Variants in FAM120A observed in about 807,000 individuals in gnomAD.
FAM120A encodes family with sequence similarity 120 member A.
Under a neutral mutation model 109.7 loss-of-function variants are expected in FAM120A, and 15 were observed. The observed-to-expected ratio is 0.14, with a 90% CI of 0.09 to 0.21. FAM120A has a LOEUF of 0.21. Ranked by LOEUF, FAM120A falls within the 10% of genes least tolerant of loss-of-function variation. The probability of loss-of-function intolerance (pLI) is 1.00; values close to 1 mark genes in which losing one functional copy is unlikely to be tolerated. For missense variants in FAM120A, 899 were observed against 1,439.3 expected, an observed-to-expected ratio of 0.62 and a Z score of 6.07; for synonymous variants, 493 against 572.8, an observed-to-expected ratio of 0.86 and a Z score of 1.99.
intron 8 of FAM120A, among the ~76,000 whole-genome samples, chr9:93,528,296 A>T (rs1430826507): frequency 1.3e-5 from 2 of 152,230 alleles, no homozygotes; most frequent in Non-Finnish European, 2.9e-5. Flanking sequence ...GTGTTTTAAA[A>T]AATAAAATTA....
At chr9:93,561,445 A>G (rs745873988) in intron 16 of FAM120A, among the ~76,000 whole-genome samples, 195 bp downstream of exon 16, 22 of 152,144 alleles carry the variant, frequency 1.4e-4, no homozygotes, top group Non-Finnish European at 1.6e-4. Flanking sequence ...CCCAGGCTAG[A>G]GTGCAGTGGC....
intron 10 of FAM120A, among the ~76,000 whole-genome samples, chr9:93,536,068 G>A (rs556122551): frequency 3.9e-5 from 6 of 152,324 alleles, no homozygotes; most frequent in African/African-American, 1.2e-4. Flanking sequence ...ATAGGAAAAT[G>A]TCTCATTGTG....
intron 3 of FAM120A, among the ~76,000 whole-genome samples, chr9:93,494,848 G>A (rs1466892673): frequency 6.6e-6 from 1 of 152,142 alleles, no homozygotes; most frequent in African/African-American, 2.4e-5. Context: ...TCTGGCACGG[G>A]TGACATTAGG....
At chr9:93,558,985 G>A (rs1176077431) in intron 15 of FAM120A, among the ~76,000 whole-genome samples, 1 of 152,112 alleles carries the variant, frequency 6.6e-6, no homozygotes, top group African/African-American at 2.4e-5. Flanking sequence ...TGTGCACCTG[G>A]GTAACCTGAC....
intron 1 of FAM120A, among the ~76,000 whole-genome samples, chr9:93,458,074 A>T (rs1383015888): frequency 6.6e-6 from 1 of 152,090 alleles, no homozygotes; most frequent in Non-Finnish European, 1.5e-5. Context: ...ACTGTCCTCA[A>T]ACACTTCAGC....
Position 93,527,012 on chromosome 9 carries a change from TATA to T in FAM120A, c.1419-139_1419-137del, listed in dbSNP as rs1409112300. 6.1e-6 allele frequency: 4 copies of T among 651,418 alleles called. No individual in the cohort carries two copies. The East Asian group carries it at 1.1e-4, about 18-fold the overall frequency. The allele number at this position is 651,418 out of a possible 1,614,324, so 40.4% of individuals were successfully genotyped here. On this transcript the variant is annotated intron_variant, in intron 7 of 17. Transcript: ENST00000277165. ...CTTTTGAAGCAGGAAGAAATATTAG[TATA>T]ATAGAGTTATTTCTCGATGTTGTGT...
chr9:93,556,300 T>A (rs1862278850), intron 12 of FAM120A, 82 bp from the exon 13 acceptor site: 3 of 1,165,132 alleles, frequency 2.6e-6, no homozygotes, highest in South Asian at 1.3e-5. Context: ...TCTGTTAACT[T>A]TGGAGAGTTT....
chr9:93,547,941 A>G (rs751489862), intron 11 of FAM120A, among the ~76,000 whole-genome samples: 7 of 152,236 alleles, frequency 4.6e-5, no homozygotes, highest in Admixed American at 3.3e-4. Flanking sequence ...TCTAAACACT[A>G]TCTCTGTTAT....
At chr9:93,456,786 C>G (rs540332663) in intron 1 of FAM120A, among the ~76,000 whole-genome samples, 7 of 152,174 alleles carry the variant, frequency 4.6e-5, no homozygotes, top group African/African-American at 1.4e-4. Flanking sequence ...AGGTCAATTA[C>G]GATAGCTAAC....
intron 5 of FAM120A, among the ~76,000 whole-genome samples, chr9:93,514,360 C>G (rs1332103480): frequency 6.6e-6 from 1 of 152,174 alleles, no homozygotes; most frequent in Non-Finnish European, 1.5e-5. Flanking sequence ...CTAACCATAT[C>G]AACTGGTGTT....
intron 12 of FAM120A, among the ~76,000 whole-genome samples, chr9:93,555,758 C>G (rs1862264833): frequency 6.6e-6 from 1 of 152,178 alleles, no homozygotes; most frequent in Non-Finnish European, 1.5e-5. Context: ...GGTTCAAGAA[C>G]CATATTTTTG....
chr9:93,463,744 A>G (rs1253147209), intron 1 of FAM120A, among the ~76,000 whole-genome samples: 1 of 152,220 alleles, frequency 6.6e-6, no homozygotes, highest in African/African-American at 2.4e-5. Flanking sequence ...GATGTGTCAC[A>G]TTGTTCCCTG....
chr9:93,469,390 A>G (rs1858206271), intron 1 of FAM120A, among the ~76,000 whole-genome samples: 2 of 152,212 alleles, frequency 1.3e-5, no homozygotes, highest in Admixed American at 6.5e-5. Context: ...TGAGCCAAGA[A>G]GGGAGTGGTC....
Position 93,562,203 on chromosome 9 carries a change from T to C in FAM120A, c.2949-5T>C. The C allele has an allele frequency of 2.5e-6, 4 of 1,611,606 alleles. No individual in the cohort carries two copies. The highest frequency in any genetic ancestry group is 1.1e-5 in the South Asian group (1 of 91,034). ...GTTTACTGTTGTCCTTTTTCATTCATTTAGGCGTCCAAGAGGAGTTATTTC... is the reference window on the plus strand; with the variant it reads ...GTTTACTGTTGTCCTTTTTCATTCACTTAGGCGTCCAAGAGGAGTTATTTC... On this transcript the variant is annotated splice_polypyrimidine_tract_variant and splice_region_variant and intron_variant, in intron 16 of 17. Coordinates refer to ENST00000277165, the MANE Select transcript of FAM120A (RefSeq NM_014612.5).
At chr9:93,492,939 TGTG>T (rs1346022496) in intron 3 of FAM120A, among the ~76,000 whole-genome samples, 1 of 152,192 alleles carries the variant, frequency 6.6e-6, no homozygotes, top group Non-Finnish European at 1.5e-5. Flanking sequence ...CCCAGTTACT[TGTG>T]GTGTCTTGGG....
intron 3 of FAM120A, among the ~76,000 whole-genome samples, chr9:93,480,421 T>C (rs2131291717): frequency 6.6e-6 from 1 of 152,232 alleles, no homozygotes; most frequent in Admixed American, 6.5e-5. Flanking sequence ...GCGACCTCTG[T>C]CTCTACCCAG....
rs767913075 is a variant in FAM120A, at chr9:93,452,194, C to T, written c.279C>T (p.Phe93=). The T allele has an allele frequency of 8.7e-6, 14 of 1,611,870 alleles. No homozygotes were observed. The highest frequency in any genetic ancestry group is 1.2e-5 in the Non-Finnish European group (14 of 1,179,758). Residue 93 remains phenylalanine, a synonymous_variant, in exon 1 of 18, where the codon TTC becomes TTT. Coordinates refer to ENST00000277165, the MANE Select transcript of FAM120A (RefSeq NM_014612.5). This position sits in a 1 kb window ranked among gnomAD's most constrained non-coding sequence, Gnocchi z 7.0. ...GCTTCGGCGGCAACATCGAGCTCTTCGTCTTCTTCAACGGCGCGCTCGAGA... is the reference window on the plus strand; with the variant it reads ...GCTTCGGCGGCAACATCGAGCTCTTTGTCTTCTTCAACGGCGCGCTCGAGA... ...KACFGGNIEL[F]VFFNGALEKA... is the part of the protein sequence containing the mutation.
chr9:93,564,147 T>C, intron 17 of FAM120A, 82 bp from the exon 18 acceptor site: 1 of 1,374,934 alleles, frequency 7.3e-7, no homozygotes, highest in Non-Finnish European at 1.0e-6. Flanking sequence ...CTGCAGAGAG[T>C]GTCATTAGGC....
At chr9:93,460,179 C>T (rs1017439404) in intron 1 of FAM120A, among the ~76,000 whole-genome samples, 1 of 152,082 alleles carries the variant, frequency 6.6e-6, no homozygotes, top group South Asian at 2.1e-4. Context: ...TCAAATATCG[C>T]GTAACATGAA....
Sources: allele counts gnomAD v4.1 joint callset (sites outside exome capture counted in the v4.1 genomes callset), GRCh38; gene constraint gnomAD v4.1.1; non-coding constraint Gnocchi (gnomAD v3.1); transcripts MANE v1.5; gene names NCBI Gene and HGNC (gene_info 2026-07-23, HGNC 2026-07-21).